MIA2: variants seen among roughly 807,000 people sequenced by gnomAD.
MIA2 encodes melanoma inhibitory activity protein 2.
A neutral mutation model predicts 167.8 loss-of-function variants in MIA2; 127 were observed. The ratio of observed to expected loss-of-function variants is 0.76; its 90% confidence interval spans 0.66 to 0.88. The LOEUF (loss-of-function observed/expected upper bound fraction) is 0.88, where lower values mean the gene tolerates loss of function less well. MIA2 is among the 40% of genes least tolerant of loss of function. The pLI is 0.00. For synonymous variants in MIA2, 552 were observed against 541.9 expected, an observed-to-expected ratio of 1.02 and a Z score of -0.26; for missense variants, 1,690 against 1,624.7, an observed-to-expected ratio of 1.04 and a Z score of -0.69.
chr14:39,285,914 T>A (rs1367593650), intron 9 of MIA2, among the ~76,000 whole-genome samples: 1 of 149,428 alleles, frequency 6.7e-6, no homozygotes, highest in African/African-American at 2.5e-5. Context: ...GCTCCTCACT[T>A]CCTAGACGGG....
chr14:39,247,668 C>T lies in MIA2; in HGVS notation c.1094C>T (p.Thr365Ile). ...CTEILTEKKDTITNDSLSLKP... is the reference protein window; with the variant it reads ...CTEILTEKKDIITNDSLSLKP... ...GAAATATTAACAGAAAAAAAAGACA[C>T]AATCACTAATGATAGCTTGAGTCTC... is the stretch of plus-strand genomic sequence containing the variant. The change falls in exon 4 of 29, where the codon ACA becomes ATA. Residue 365 changes from threonine (T) to isoleucine (I), a missense_variant. By Grantham distance (89) the Thr-to-Ile change is moderately conservative. Transcript: ENST00000640607. 4 of 1,610,944 alleles carry T rather than the reference C, an allele frequency of 2.5e-6. No homozygotes were observed. Among genetic ancestry groups the T allele is most frequent in the East Asian group, 4.5e-5 (2 of 44,848 alleles).
intron 26 of MIA2, chr14:39,346,953 A>G: frequency 3.4e-6 from 1 of 296,784 alleles, no homozygotes; most frequent in South Asian, 3.1e-5. Context: ...ATTATTTTTG[A>G]GACAGAGTCT....
chr14:39,283,632 G>T (rs2059246997), intron 9 of MIA2, among the ~76,000 whole-genome samples: 1 of 152,098 alleles, frequency 6.6e-6, no homozygotes. Context: ...GTTGTAGAGG[G>T]TTCCCTTTTC....
intron 14 of MIA2, 82 bp from the exon 15 acceptor site, chr14:39,302,047 C>A: frequency 6.9e-7 from 1 of 1,452,482 alleles, no homozygotes. Flanking sequence ...GATTTTTAAA[C>A]TATAACTGTA....
chr14:39,345,050 A>G (rs1177487550), intron 25 of MIA2, among the ~76,000 whole-genome samples: 1 of 138,644 alleles, frequency 7.2e-6, no homozygotes, highest in East Asian at 2.1e-4. Flanking sequence ...AGAGCTTTCC[A>G]TTTAGTTTGT....
chr14:39,294,989 C>A lies in MIA2; in HGVS notation c.2456C>A (p.Ala819Asp). The A allele has an allele frequency of 2.5e-6, 4 of 1,613,826 alleles. No individual in the cohort carries two copies. The South Asian group carries it at 3.3e-5, about 13-fold the overall frequency. The change falls in exon 13 of 29, where the codon GCT (alanine) becomes GAT (aspartate). Residue 819 changes from alanine (A) to aspartate (D), a missense_variant. Physicochemically the swap from Ala to Asp is moderately radical, Grantham distance 126. Transcript: ENST00000640607. ...CGACTGAAGATAGCAATAAAAGATG[C>A]TTTGAATGAAAATTCTCAACTTCAG... ...EERLKIAIKD[A>D]LNENSQLQES...
chr14:39,298,442 T>A (rs8008947), intron 13 of MIA2, among the ~76,000 whole-genome samples: 2,936 of 8,456 alleles, frequency 0.35, 408 homozygotes, highest in Non-Finnish European at 0.4. Flanking sequence ...TATATATATA[T>A]AAAGATTAGT....
intron 14 of MIA2, among the ~76,000 whole-genome samples, chr14:39,301,343 G>T (rs187925759): frequency 4.3e-4 from 66 of 152,016 alleles, no homozygotes; most frequent in Non-Finnish European, 4.9e-4. Flanking sequence ...GGGATTACAG[G>T]CGTGAGCCAC....
At chr14:39,311,943 C>T (rs894088270) in intron 18 of MIA2, among the ~76,000 whole-genome samples, 9 of 151,464 alleles carry the variant, frequency 5.9e-5, no homozygotes, top group Non-Finnish European at 1.3e-4. Flanking sequence ...AATTCTCCTG[C>T]CTCAGACTCC....
At chr14:39,382,654 G>A (rs1283189080) in intron 23 of MIA2, among the ~76,000 whole-genome samples, 1 of 152,132 alleles carries the variant, frequency 6.6e-6, no homozygotes, top group Admixed American at 6.5e-5. Context: ...ACAAGATAAG[G>A]TGAACATAGA....
At chr14:39,320,807 C>A in intron 23 of MIA2, 121 bp from the exon 24 acceptor site, 1 of 1,016,704 alleles carries the variant, frequency 9.8e-7, no homozygotes, top group Non-Finnish European at 1.5e-6. Flanking sequence ...ACATTCAGGA[C>A]ATAGATTAAA....
downstream of MIA2, among the ~76,000 whole-genome samples, chr14:39,352,034 G>A (rs2074400860): frequency 6.6e-6 from 1 of 151,710 alleles, no homozygotes; most frequent in Non-Finnish European, 1.5e-5. Context: ...TCCCTCATTT[G>A]GCAGTAATAG....
chr14:39,244,933 T>G (rs536180912), intron 3 of MIA2, among the ~76,000 whole-genome samples: 1 of 152,148 alleles, frequency 6.6e-6, no homozygotes, highest in Non-Finnish European at 1.5e-5. Flanking sequence ...CATGCCACTA[T>G]GCCTGGCTAA....
At chr14:39,287,294 C>T (rs2059953965) in intron 9 of MIA2, among the ~76,000 whole-genome samples, 2 of 151,962 alleles carry the variant, frequency 1.3e-5, no homozygotes, top group African/African-American at 4.8e-5. Flanking sequence ...CCAAGCTGGT[C>T]TCGAACTTGG....
chr14:39,252,877 TAGAC>T lies in MIA2; in HGVS notation c.1701_1704del (p.Arg568LeufsTer7). ...ACCGAAGGGCCTGCTCTGGTGGAGA[TAGAC>T]AGATCTGTGGAAAATACCCTGCTAA... On this transcript the variant is annotated frameshift_variant, in exon 5 of 29. Coordinates refer to ENST00000640607, the MANE Select transcript of MIA2 (RefSeq NM_001329214.4). LOFTEE classifies it high-confidence loss of function. The T allele has an allele frequency of 1.2e-6, 2 of 1,614,050 alleles. No homozygotes were observed. The highest frequency in any genetic ancestry group is 1.7e-6 in the Non-Finnish European group (2 of 1,179,952).
Position 39,247,849 on chromosome 14 carries a change from A to ATTT in MIA2, c.1275_1276insTTT (p.Gln425_Glu426insPhe). 6.3e-7 allele frequency: 1 copy of ATTT among 1,587,576 alleles called. No homozygotes were observed. The highest frequency in any genetic ancestry group is 8.5e-7 in the Non-Finnish European group (1 of 1,172,978). On this transcript the variant is annotated inframe_insertion, in exon 4 of 29. Coordinates refer to ENST00000640607, the MANE Select transcript of MIA2 (RefSeq NM_001329214.4). ...GTGAATTAGACCCTGAAAAAGAACA[A>ATTT]GAAATAGAAACGATAAAAATTATAG...
At chr14:39,265,634 GTT>G in intron 6 of MIA2, 1 of 375,740 alleles carries the variant, frequency 2.7e-6, no homozygotes. Context: ...GCAAAGGGAG[GTT>G]TTTTTTTTGT....
intron 25 of MIA2, among the ~76,000 whole-genome samples, chr14:39,328,782 G>C (rs1180336540): frequency 6.6e-6 from 1 of 152,112 alleles, no homozygotes; most frequent in Non-Finnish European, 1.5e-5. Flanking sequence ...TTGTAGATGT[G>C]TTGTGTTATT....
chr14:39,256,217 C>G (rs1236398682), intron 6 of MIA2, among the ~76,000 whole-genome samples: 1 of 152,154 alleles, frequency 6.6e-6, no homozygotes, highest in Admixed American at 6.5e-5. Context: ...TTGGTCTCTA[C>G]AGGGCTTTAA....
Sources: gnomAD v4.1 joint callset for allele counts (sites outside exome capture counted in the v4.1 genomes callset) on GRCh38, gnomAD v4.1.1 for gene constraint, MANE v1.5 for transcripts, NCBI Gene and HGNC (gene_info 2026-07-23, HGNC 2026-07-21) for gene names.